Variants in SNTG1 observed in about 807,000 individuals in gnomAD.
The protein encoded by SNTG1 is syntrophin gamma 1, also known as gamma-1-syntrophin.
In SNTG1, 39 loss-of-function variants were observed where a neutral mutation model predicts 74.7. That is an observed-to-expected ratio of 0.52 (90% CI 0.40 to 0.68). The LOEUF (loss-of-function observed/expected upper bound fraction) is 0.68, where lower values mean the gene tolerates loss of function less well. Among genes scored for constraint, SNTG1 ranks in the 30% least tolerant of loss-of-function variants. SNTG1 has a pLI of 0.00. For missense variants in SNTG1, 685 were observed against 609.5 expected (o/e 1.12, Z -1.30); for synonymous variants, 254 against 217.1 (o/e 1.17, Z -1.49).
At chr8:50,698,762 T>TA (rs1563757885) in intron 15 of SNTG1, among the ~76,000 whole-genome samples, 1 of 152,128 alleles carries the variant, frequency 6.6e-6, no homozygotes, top group Non-Finnish European at 1.5e-5. Context: ...AGGTACTTCT[T>TA]ACAGTCTCCC....
At chr8:50,393,295 T>C (rs1206397442) in intron 2 of SNTG1, among the ~76,000 whole-genome samples, 1 of 152,116 alleles carries the variant, frequency 6.6e-6, no homozygotes, top group East Asian at 1.9e-4. Context: ...CACACTTACC[T>C]GATAAAGCAT....
chr8:50,200,209 T>C (rs1347762860), intron 2 of SNTG1, among the ~76,000 whole-genome samples: 2 of 152,106 alleles, frequency 1.3e-5, no homozygotes, highest in Non-Finnish European at 2.9e-5. Context: ...GTATCTCCAC[T>C]TTACACTGAA....
chr8:50,028,083 A>T (rs1288674705), intron 1 of SNTG1, among the ~76,000 whole-genome samples: 1 of 152,122 alleles, frequency 6.6e-6, no homozygotes, highest in Admixed American at 6.6e-5. Flanking sequence ...AATATATGGG[A>T]CTATTCCATT....
Position 50,061,869 on chromosome 8 carries a change from G to A in SNTG1, c.-102-110692G>A, listed in dbSNP as rs554687028. ...TCAAATTTGTTGAGATTTATTTCAC[G>A]GCTGTGGATGTGGTCATTCTTGGTG... On this transcript the variant is annotated intron_variant, in intron 1 of 18. Coordinates refer to ENST00000642720, the MANE Select transcript of SNTG1 (RefSeq NM_018967.5). 7.2e-5 allele frequency among the ~76,000 whole-genome samples: 11 copies of A among 151,928 alleles called. No homozygotes were observed. The East Asian group carries it at 1.4e-3, about 19-fold the overall frequency.
rs57041850 is a variant in SNTG1, at chr8:50,005,955, C to CTT, written c.-103+93751_-103+93752dup. ...TTACTTTTCATTTCCATTACTTGCA[C>CTT]TTTTTTTTTTTTTTTTTTTTTTTTT... On this transcript the variant is annotated intron_variant, in intron 1 of 18. Transcript: ENST00000642720. 3.0e-3 allele frequency among the ~76,000 whole-genome samples: 267 copies of CTT among 89,400 alleles called. 68 individuals carry two copies. The highest frequency in any genetic ancestry group is 0.015 in the African/African-American group (213 of 13,822). 58.6% of individuals were successfully genotyped at this position (89,400 alleles called of 152,430 possible). A position where few individuals can be genotyped will look rare whatever the true frequency, so the allele number is the denominator to read the frequency against.
intron 18 of SNTG1, among the ~76,000 whole-genome samples, chr8:50,782,071 T>G (rs1467764836): frequency 2.0e-5 from 3 of 152,238 alleles, no homozygotes; most frequent in African/African-American, 7.2e-5. Flanking sequence ...TGCCGAGATA[T>G]CCACTGTTAG....
intron 2 of SNTG1, among the ~76,000 whole-genome samples, chr8:50,328,030 T>C (rs1241441775): frequency 6.6e-6 from 1 of 152,136 alleles, no homozygotes; most frequent in Non-Finnish European, 1.5e-5. Context: ...TGAAACACAT[T>C]GTTGCTATTA....
rs114568710 is a variant in SNTG1 at position 50,015,571 on chromosome 8, C to T, written c.-103+103340C>T. On this transcript the variant is annotated intron_variant, in intron 1 of 18. Coordinates refer to ENST00000642720, the MANE Select transcript of SNTG1 (RefSeq NM_018967.5). ...CAACAATCTCCAAGTAGAATAAGCT[C>T]AAAGAGATCCAGCCCTAGACACATC... Among the ~76,000 whole-genome samples, 230 of 152,124 alleles carry T rather than the reference C, an allele frequency of 1.5e-3. 2 individuals are homozygous for T. The highest frequency in any genetic ancestry group is 5.4e-3 in the African/African-American group (224 of 41,512).
intron 15 of SNTG1, among the ~76,000 whole-genome samples, chr8:50,686,237 C>T (rs781725921): frequency 1.2e-4 from 19 of 152,088 alleles, no homozygotes; most frequent in Non-Finnish European, 2.1e-4. Flanking sequence ...TAATTCTTAA[C>T]GAGATAAAAG....
At chr8:49,977,926 C>G (rs1256950663) in intron 1 of SNTG1, among the ~76,000 whole-genome samples, 1 of 152,192 alleles carries the variant, frequency 6.6e-6, no homozygotes, top group Non-Finnish European at 1.5e-5. Flanking sequence ...AAGCTGTTTA[C>G]TAGATTTGTG....
chr8:50,548,359 G>T (rs960511422), intron 11 of SNTG1, among the ~76,000 whole-genome samples: 1 of 152,104 alleles, frequency 6.6e-6, no homozygotes, highest in Non-Finnish European at 1.5e-5. Flanking sequence ...AGAAAGATCA[G>T]AAAAATAATA....
At chr8:50,528,149 A>G (rs1220570525) in intron 9 of SNTG1, among the ~76,000 whole-genome samples, 1 of 151,946 alleles carries the variant, frequency 6.6e-6, no homozygotes, top group East Asian at 1.9e-4. Context: ...TTCCCGTTGC[A>G]GTGGCTAAGA....
At chr8:50,022,021 G>T (rs963235142) in intron 1 of SNTG1, among the ~76,000 whole-genome samples, 3 of 151,718 alleles carry the variant, frequency 2.0e-5, no homozygotes, top group Non-Finnish European at 4.4e-5. Flanking sequence ...TTTCTTTAAA[G>T]ACATTTCATT....
At chr8:49,945,401 T>C (rs948690080) in intron 1 of SNTG1, among the ~76,000 whole-genome samples, 2 of 152,140 alleles carry the variant, frequency 1.3e-5, no homozygotes, top group African/African-American at 4.8e-5. Context: ...GGTAGTGTGG[T>C]CCATCGTAGG....
chr8:49,975,338 A>G (rs867328940), intron 1 of SNTG1, among the ~76,000 whole-genome samples: 2 of 152,132 alleles, frequency 1.3e-5, no homozygotes, highest in African/African-American at 4.8e-5. Context: ...AGAATTTCAT[A>G]TTAAGAATAC....
At chr8:50,337,656 AGAAAAG>A (rs2091185297) in intron 2 of SNTG1, among the ~76,000 whole-genome samples, 1 of 152,196 alleles carries the variant, frequency 6.6e-6, no homozygotes, top group African/African-American at 2.4e-5. Context: ...GGGAGATGAA[AGAAAAG>A]CTGAGATGTA....
chr8:50,390,575 C>G (rs1302116250), intron 2 of SNTG1, among the ~76,000 whole-genome samples: 7 of 152,260 alleles, frequency 4.6e-5, no homozygotes, highest in East Asian at 1.9e-4. Context: ...TCCATATGAA[C>G]TTCAAAGTAG....
At chr8:50,010,746 G>A (rs905762457) in intron 1 of SNTG1, among the ~76,000 whole-genome samples, 2 of 149,394 alleles carry the variant, frequency 1.3e-5, no homozygotes, top group Admixed American at 1.3e-4. Flanking sequence ...TCTGAACTGG[G>A]TGACTATTTA....
At chr8:50,697,590 G>A (rs2131486904) in intron 15 of SNTG1, among the ~76,000 whole-genome samples, 2 of 152,098 alleles carry the variant, frequency 1.3e-5, no homozygotes, top group East Asian at 1.9e-4. Context: ...ATTATTTTGA[G>A]GTATGTTCCT....
Sources: gnomAD v4.1 joint callset for allele counts (sites outside exome capture counted in the v4.1 genomes callset) on GRCh38, gnomAD v4.1.1 for gene constraint, MANE v1.5 for transcripts, NCBI Gene and HGNC (gene_info 2026-07-23, HGNC 2026-07-21) for gene names.